The following CDH12 variants were observed in gnomAD, a reference collection of about 807,000 sequenced individuals.
CDH12 encodes cadherin 12, also known as cadherin-12.
Under a neutral mutation model 74.1 loss-of-function variants are expected in CDH12, and 41 were observed. That is an observed-to-expected ratio of 0.55 (90% CI 0.43 to 0.72). The LOEUF (loss-of-function observed/expected upper bound fraction) is 0.72. Ranked by LOEUF, CDH12 falls within the 30% of genes least tolerant of loss-of-function variation. The probability of loss-of-function intolerance (pLI) is 0.00; values close to 1 mark genes in which losing one functional copy is unlikely to be tolerated. For synonymous variants in CDH12, 399 were observed against 355.0 expected, an observed-to-expected ratio of 1.12 and a Z score of -1.39; for missense variants, 945 against 977.2, an observed-to-expected ratio of 0.97 and a Z score of 0.44.
chr5:22,603,251 A>T (rs1046703063), intron 1 of CDH12, among the ~76,000 whole-genome samples: 5 of 152,230 alleles, frequency 3.3e-5, no homozygotes, highest in Non-Finnish European at 7.3e-5. Context: ...AAAAAAAATA[A>T]AAATAAATGC....
chr5:22,094,789 T>C (rs1358727538), intron 4 of CDH12, among the ~76,000 whole-genome samples: 1 of 152,170 alleles, frequency 6.6e-6, no homozygotes, highest in African/African-American at 2.4e-5. Context: ...CCTTAACTGA[T>C]GACATTATCT....
At chr5:21,868,607 T>C (rs866488412) in intron 6 of CDH12, among the ~76,000 whole-genome samples, 4 of 152,196 alleles carry the variant, frequency 2.6e-5, no homozygotes, top group African/African-American at 9.7e-5. Context: ...TTGGACTTAC[T>C]TGAGAATAGT....
At chr5:22,642,892 A>G (rs1169397744) in intron 1 of CDH12, among the ~76,000 whole-genome samples, 2 of 152,094 alleles carry the variant, frequency 1.3e-5, no homozygotes, top group Non-Finnish European at 2.9e-5. Flanking sequence ...TTACTTTACT[A>G]TTCTGGTTTT....
chr5:22,482,449 T>G (rs985871654), intron 2 of CDH12, among the ~76,000 whole-genome samples: 1 of 152,186 alleles, frequency 6.6e-6, no homozygotes, highest in Non-Finnish European at 1.5e-5. Flanking sequence ...CGTACCTTTA[T>G]GTTGAACAAA....
At chr5:22,154,065 T>G (rs563631440) in intron 4 of CDH12, among the ~76,000 whole-genome samples, 1 of 149,062 alleles carries the variant, frequency 6.7e-6, no homozygotes, top group East Asian at 2.0e-4. Flanking sequence ...TTTTAGAAAT[T>G]TATCAGTGAT....
At chr5:22,799,054 T>G (rs377728403) in intron 1 of CDH12, among the ~76,000 whole-genome samples, 1 of 151,944 alleles carries the variant, frequency 6.6e-6, no homozygotes, top group Non-Finnish European at 1.5e-5. Context: ...GAGAAAGAGG[T>G]TGAAATGAGC....
chr5:22,579,464 T>A (rs1352852952), intron 1 of CDH12, among the ~76,000 whole-genome samples: 3 of 152,162 alleles, frequency 2.0e-5, no homozygotes, highest in Non-Finnish European at 2.9e-5. Flanking sequence ...TATGATGAAT[T>A]GGAAACAAAA....
At chr5:22,089,369 C>G (rs1200741886) in intron 4 of CDH12, among the ~76,000 whole-genome samples, 4 of 152,128 alleles carry the variant, frequency 2.6e-5, no homozygotes, top group Non-Finnish European at 1.5e-5. Flanking sequence ...GGGGGGAAAT[C>G]AGAGAAACTA....
At chr5:22,839,544 A>T (rs1170414988) in intron 1 of CDH12, among the ~76,000 whole-genome samples, 2 of 151,928 alleles carry the variant, frequency 1.3e-5, no homozygotes, top group African/African-American at 4.8e-5. Flanking sequence ...TTTAGTAGAG[A>T]CAGGGTTTCA....
At chr5:22,465,937 T>C (rs1316814806) in intron 2 of CDH12, among the ~76,000 whole-genome samples, 2 of 152,196 alleles carry the variant, frequency 1.3e-5, no homozygotes, top group African/African-American at 2.4e-5. Flanking sequence ...AGCAGATTAA[T>C]GTGTTCTCTT....
intron 3 of CDH12, among the ~76,000 whole-genome samples, chr5:22,308,383 A>G (rs1030460266): frequency 6.6e-6 from 1 of 152,174 alleles, no homozygotes; most frequent in Non-Finnish European, 1.5e-5. Flanking sequence ...TCTGCATTCC[A>G]CTGCTAACAG....
chr5:22,852,259 G>A (rs978717400), intron 1 of CDH12, among the ~76,000 whole-genome samples: 1 of 152,120 alleles, frequency 6.6e-6, no homozygotes, highest in Non-Finnish European at 1.5e-5. Context: ...AAGTACAGAG[G>A]TTCTAAATAC....
chr5:22,434,078 G>A (rs1744278196), intron 2 of CDH12, among the ~76,000 whole-genome samples: 1 of 152,080 alleles, frequency 6.6e-6, no homozygotes, highest in Non-Finnish European at 1.5e-5. Flanking sequence ...CCAATAACTG[G>A]TTCTCAAAAG....
chr5:22,500,604 C>A (rs1747290845), intron 2 of CDH12, among the ~76,000 whole-genome samples: 1 of 152,118 alleles, frequency 6.6e-6, no homozygotes, highest in South Asian at 2.1e-4. Flanking sequence ...TGTTGACTTG[C>A]AAATGACAGG....
intron 6 of CDH12, chr5:21,882,473 A>C: frequency 1.5e-6 from 1 of 670,888 alleles, no homozygotes; most frequent in Non-Finnish European, 2.7e-6. Flanking sequence ...TTCCATTTAT[A>C]GTACAACTGC....
At chr5:22,651,411 A>T (rs1431088794) in intron 1 of CDH12, among the ~76,000 whole-genome samples, 1 of 152,138 alleles carries the variant, frequency 6.6e-6, no homozygotes, top group African/African-American at 2.4e-5. Context: ...CAGGAAACTT[A>T]CAGTGATGTC....
intron 5 of CDH12, among the ~76,000 whole-genome samples, chr5:22,038,401 C>A (rs1048985048): frequency 2.0e-5 from 3 of 152,134 alleles, no homozygotes; most frequent in Non-Finnish European, 4.4e-5. Context: ...GGAAATGGTG[C>A]CTTGATGTTG....
Position 22,826,611 on chromosome 5 carries a change from GAA to G in CDH12, c.-523+26445_-523+26446del, listed in dbSNP as rs751684025. Among the ~76,000 whole-genome samples the G allele has an allele frequency of 3.0e-4, 45 of 152,230 alleles. No homozygotes were observed. In the South Asian group the frequency reaches 5.8e-3, roughly 20 times the overall value. ...TTGACACAAATGCTGATAGTGATGTGAATAATAAGGTCCAGGCTAAGGTGGTC... is the reference window on the plus strand; with the variant it reads ...TTGACACAAATGCTGATAGTGATGTGTAATAAGGTCCAGGCTAAGGTGGTC... On this transcript the variant is annotated intron_variant, in intron 1 of 14. Transcript: ENST00000382254.
intron 5 of CDH12, among the ~76,000 whole-genome samples, chr5:22,058,017 CT>C (rs1273211181): frequency 1.4e-5 from 2 of 146,294 alleles, no homozygotes; most frequent in Non-Finnish European, 1.5e-5. Context: ...ATCTATCTAT[CT>C]ATCTATCTAT....
Sources: allele counts gnomAD v4.1 joint callset (sites outside exome capture counted in the v4.1 genomes callset), GRCh38; gene constraint gnomAD v4.1.1; transcripts MANE v1.5; gene names NCBI Gene and HGNC (gene_info 2026-07-23, HGNC 2026-07-21).